The following PTPRM variants were observed in gnomAD, a reference collection of about 807,000 sequenced individuals.
PTPRM encodes protein tyrosine phosphatase receptor type M, also known as receptor-type tyrosine-protein phosphatase mu.
A neutral mutation model predicts 186.7 loss-of-function variants in PTPRM; 47 were observed. The ratio of observed to expected loss-of-function variants is 0.25; its 90% CI spans 0.20 to 0.32. The LOEUF is 0.32. Among genes scored for constraint, PTPRM ranks in the 10% least tolerant of loss-of-function variants. The probability of loss-of-function intolerance (pLI) is 1.00; values close to 1 mark genes in which losing one functional copy is unlikely to be tolerated. For synonymous variants in PTPRM, 668 were observed against 674.9 expected, an observed-to-expected ratio of 0.99 and a Z score of 0.16; for missense variants, 1,494 against 1,865.0, an observed-to-expected ratio of 0.80 and a Z score of 3.66.
rs1463494572 is a variant in PTPRM, at chr18:7,960,472, TATATATATAC to T, written c.1132+5060_1132+5069del. Among the ~76,000 whole-genome samples, 755 of 108,558 alleles carry T rather than the reference TATATATATAC, an allele frequency of 7.0e-3. 4 individuals are homozygous for T. Among genetic ancestry groups the T allele is most frequent in the African/African-American group, 0.025 (611 of 24,242 alleles). The allele number at this position is 108,558 out of a possible 152,430, so 71.2% of individuals were successfully genotyped here. On this transcript the variant is annotated intron_variant, in intron 7 of 32. Transcript: ENST00000580170. The stretch of plus-strand genomic sequence containing the variant: ...CAACATATATATATATATATATATA[TATATATATAC>T]ACACACACACACACACACACACACA...
At chr18:7,976,283 T>G (rs2054933165) in intron 7 of PTPRM, among the ~76,000 whole-genome samples, 1 of 152,170 alleles carries the variant, frequency 6.6e-6, no homozygotes, top group Non-Finnish European at 1.5e-5. Flanking sequence ...AAAATATCAG[T>G]GTTTGACAGA....
intron 2 of PTPRM, among the ~76,000 whole-genome samples, chr18:7,868,462 C>G (rs1234411618): frequency 6.6e-6 from 1 of 152,198 alleles, no homozygotes; most frequent in Non-Finnish European, 1.5e-5. Flanking sequence ...CCCTCTGCTG[C>G]AGGTCTGCTG....
At chr18:7,599,867 C>T (rs2037356625) in intron 1 of PTPRM, among the ~76,000 whole-genome samples, 1 of 152,182 alleles carries the variant, frequency 6.6e-6, no homozygotes, top group Non-Finnish European at 1.5e-5. Flanking sequence ...TTGACCTTCA[C>T]CTTTCACCCT....
intron 30 of PTPRM, 113 bp downstream of exon 30, chr18:8,384,799 T>A: frequency 5.2e-6 from 7 of 1,348,372 alleles, no homozygotes; most frequent in Admixed American, 4.2e-5. Context: ...TTGGAGTATG[T>A]CAGTGAACCA....
chr18:8,275,557 TA>T (rs902420468), intron 19 of PTPRM, among the ~76,000 whole-genome samples: 1 of 152,180 alleles, frequency 6.6e-6, no homozygotes, highest in African/African-American at 2.4e-5. Context: ...CAGAAAGTCT[TA>T]AAATCTCAAG....
At chr18:7,731,313 C>T (rs538345216) in intron 1 of PTPRM, among the ~76,000 whole-genome samples, 1 of 152,234 alleles carries the variant, frequency 6.6e-6, no homozygotes, top group Admixed American at 6.5e-5. Flanking sequence ...AGTACTATAG[C>T]AATGGAGAAG....
chr18:8,199,505 A>G (rs944451942), intron 14 of PTPRM, among the ~76,000 whole-genome samples: 1 of 152,214 alleles, frequency 6.6e-6, no homozygotes, highest in Admixed American at 6.5e-5. Context: ...AGCAAAGTAA[A>G]GTTGAGGTCA....
intron 14 of PTPRM, among the ~76,000 whole-genome samples, chr18:8,184,097 C>G (rs1254284346): frequency 6.6e-6 from 1 of 152,010 alleles, no homozygotes; most frequent in Non-Finnish European, 1.5e-5. Context: ...CAGGTCCACA[C>G]CCACACTGCC....
chr18:7,915,817 C>A (rs1219969515), intron 4 of PTPRM, among the ~76,000 whole-genome samples: 1 of 152,156 alleles, frequency 6.6e-6, no homozygotes, highest in Non-Finnish European at 1.5e-5. Flanking sequence ...TGCTTGCCAC[C>A]TGAAAATGGT....
At chr18:8,063,064 C>G (rs1376126514) in intron 7 of PTPRM, among the ~76,000 whole-genome samples, 1 of 151,480 alleles carries the variant, frequency 6.6e-6, no homozygotes, top group South Asian at 2.1e-4. Context: ...AGCCTCGCTG[C>G]CGCCTTGCAG....
chr18:7,987,280 T>C (rs778262132), intron 7 of PTPRM, among the ~76,000 whole-genome samples: 1 of 152,322 alleles, frequency 6.6e-6, no homozygotes, highest in East Asian at 1.9e-4. Flanking sequence ...AGAAGAATTA[T>C]TCTTACAGTC....
intron 2 of PTPRM, among the ~76,000 whole-genome samples, chr18:7,834,489 T>TATACACACACACACACAC (rs1427747941): frequency 0.19 from 731 of 3,788 alleles, 21 homozygotes; most frequent in East Asian, 0.4. Flanking sequence ...AATATACAAG[T>TATACACACACACACACAC]ATACACACAC....
chr18:7,991,838 G>A (rs191025928), intron 7 of PTPRM, among the ~76,000 whole-genome samples: 9 of 152,172 alleles, frequency 5.9e-5, no homozygotes, highest in South Asian at 4.1e-4. Context: ...GTAGGAAGCC[G>A]AAAACTTAAT....
At chr18:8,105,711 C>T (rs1001992917) in intron 11 of PTPRM, among the ~76,000 whole-genome samples, 4 of 152,102 alleles carry the variant, frequency 2.6e-5, no homozygotes, top group South Asian at 2.1e-4. Context: ...AAGCCCAGGG[C>T]GCCTGTGGGA....
intron 13 of PTPRM, among the ~76,000 whole-genome samples, chr18:8,141,397 T>C (rs974025597): frequency 6.6e-6 from 1 of 152,154 alleles, no homozygotes; most frequent in African/African-American, 2.4e-5. Flanking sequence ...TGACCTGCAA[T>C]GTGAAATGAG....
chr18:8,173,614 T>C (rs1374892158), intron 14 of PTPRM, among the ~76,000 whole-genome samples: 4 of 152,184 alleles, frequency 2.6e-5, no homozygotes, highest in Non-Finnish European at 5.9e-5. Context: ...GACAGAGTTA[T>C]TATTCAAATC....
At chr18:7,718,167 A>G (rs2040378399) in intron 1 of PTPRM, among the ~76,000 whole-genome samples, 1 of 152,240 alleles carries the variant, frequency 6.6e-6, no homozygotes. Context: ...TTCAAATTAT[A>G]CTACAAGTCT....
At chr18:8,222,153 T>C (rs2094160889) in intron 14 of PTPRM, among the ~76,000 whole-genome samples, 1 of 152,176 alleles carries the variant, frequency 6.6e-6, no homozygotes, top group African/African-American at 2.4e-5. Flanking sequence ...CTAAGATAAG[T>C]TGTGGTTTGT....
At chr18:7,859,806 T>C (rs890975384) in intron 2 of PTPRM, among the ~76,000 whole-genome samples, 5 of 152,206 alleles carry the variant, frequency 3.3e-5, no homozygotes, top group Non-Finnish European at 4.4e-5. Context: ...TACTCTGATC[T>C]GCTGTGCCTG....
Sources: allele counts gnomAD v4.1 joint callset (sites outside exome capture counted in the v4.1 genomes callset), GRCh38; gene constraint gnomAD v4.1.1; transcripts MANE v1.5; gene names NCBI Gene and HGNC (gene_info 2026-07-23, HGNC 2026-07-21).